ACSM6: variants seen among roughly 807,000 people sequenced by gnomAD.
ACSM6 encodes acyl-coenzyme A synthetase ACSM6, mitochondrial.
Under a neutral mutation model 51.1 loss-of-function variants are expected in ACSM6, and 35 were observed. The observed-to-expected ratio is 0.69, with a 90% CI of 0.52 to 0.91. The LOEUF is 0.91. ACSM6 is among the 40% of genes least tolerant of loss of function. The probability of loss-of-function intolerance (pLI) is 0.00; values close to 1 mark genes in which losing one functional copy is unlikely to be tolerated. For missense variants in ACSM6, 509 were observed against 584.1 expected, an observed-to-expected ratio of 0.87 and a Z score of 1.32; for synonymous variants, 172 against 207.3, an observed-to-expected ratio of 0.83 and a Z score of 1.46.
exon 10 of ACSM6, chr10:95,225,347 C>G: frequency 1.3e-6 from 2 of 1,551,612 alleles, no homozygotes; most frequent in Non-Finnish European, 1.7e-6. Context: ...TATTGCAATC[C>G]GCATAAAACT....
chr10:95,228,529 A>G (rs899512960), intron 10 of ACSM6, 115 bp from the exon 11 acceptor site: 132 of 1,057,436 alleles, frequency 1.2e-4, no homozygotes, highest in East Asian at 6.0e-5. Flanking sequence ...GAGAGTGGGG[A>G]TCCTGACTTA....
At chr10:95,221,177 T>C (rs1321114478) in intron 9 of ACSM6, among the ~76,000 whole-genome samples, 1 of 151,926 alleles carries the variant, frequency 6.6e-6, no homozygotes, top group Non-Finnish European at 1.5e-5. Flanking sequence ...ACCTTAGAAC[T>C]AAGAAAAACA....
chr10:95,207,489 A>G, intron 4 of ACSM6, 74 bp downstream of exon 4: 1 of 1,422,620 alleles, frequency 7.0e-7, no homozygotes, highest in Non-Finnish European at 9.9e-7. Context: ...TATATGAGAA[A>G]GTGGTGTGAG....
chr10:95,210,026 T>C (rs1032098), intron 4 of ACSM6, among the ~76,000 whole-genome samples: 6,428 of 152,290 alleles, frequency 0.042, 486 homozygotes, highest in African/African-American at 0.15. Flanking sequence ...CTGGGAATAT[T>C]TGAACAGTTT....
chr10:95,223,048 A>G (rs772505279), intron 9 of ACSM6, among the ~76,000 whole-genome samples: 39 of 152,000 alleles, frequency 2.6e-4, no homozygotes, highest in Non-Finnish European at 5.1e-4. Flanking sequence ...CAGGTGAGAA[A>G]GGAGAAGAGG....
At chr10:95,209,997 A>T (rs1410984522) in intron 4 of ACSM6, among the ~76,000 whole-genome samples, 1 of 152,192 alleles carries the variant, frequency 6.6e-6, no homozygotes, top group African/African-American at 2.4e-5. Flanking sequence ...GCCGGCCTGA[A>T]TCCCATTCCT....
In ACSM6 at chr10:95,194,679, T is replaced by C; in HGVS notation, c.192+2T>C. Reference sequence around the variant, plus strand: ...GATCAGTGGTCCCAGCTGGAAAAGGTAAAACTTGTTGTTTTCTACCTTGGA... The same window carrying C: ...GATCAGTGGTCCCAGCTGGAAAAGGCAAAACTTGTTGTTTTCTACCTTGGA... On this transcript the variant is annotated splice_donor_variant, in intron 2 of 10. Coordinates refer to ENST00000341686, the Ensembl canonical transcript of ACSM6. LOFTEE classifies it high-confidence loss of function. 3 of 1,550,850 alleles carry C rather than the reference T, an allele frequency of 1.9e-6. No individual in the cohort carries two copies. The highest frequency in any genetic ancestry group is 2.6e-6 in the Non-Finnish European group (3 of 1,146,276).
intron 4 of ACSM6, among the ~76,000 whole-genome samples, chr10:95,210,058 T>C (rs756073010): frequency 5.3e-5 from 8 of 152,242 alleles, no homozygotes; most frequent in Non-Finnish European, 8.8e-5. Context: ...TGTCCTGTCT[T>C]TGTTTTAAAT....
At chr10:95,213,328 C>T (rs938371092) in intron 7 of ACSM6, among the ~76,000 whole-genome samples, 8 of 152,014 alleles carry the variant, frequency 5.3e-5, no homozygotes, top group Admixed American at 4.6e-4. Context: ...TCAGAGCAAA[C>T]GGGAAATGAG....
intron 7 of ACSM6, 28 bp downstream of exon 7, chr10:95,212,968 C>A (rs1275137102): frequency 6.5e-7 from 1 of 1,540,416 alleles, no homozygotes; most frequent in Non-Finnish European, 9.0e-7. Context: ...AGGAGAGAGT[C>A]CATTTCCACT....
intron 3 of ACSM6, among the ~76,000 whole-genome samples, chr10:95,205,577 T>C (rs946739542): frequency 6.6e-6 from 1 of 152,128 alleles, no homozygotes; most frequent in Non-Finnish European, 1.5e-5. Flanking sequence ...CATACAAATC[T>C]GGGTTGGAGG....
intron 8 of ACSM6, among the ~76,000 whole-genome samples, chr10:95,218,928 T>C (rs1364799629): frequency 6.6e-6 from 1 of 152,226 alleles, no homozygotes; most frequent in Non-Finnish European, 1.5e-5. Flanking sequence ...TTAAGTCTCT[T>C]TCCGTGTAAG....
intron 1 of ACSM6, 67 bp from the exon 2 acceptor site, chr10:95,194,398 C>A: frequency 8.0e-7 from 1 of 1,254,948 alleles, no homozygotes; most frequent in Non-Finnish European, 1.1e-6. Flanking sequence ...ATTCTCAGCA[C>A]TACAATCTCA....
intron 2 of ACSM6, among the ~76,000 whole-genome samples, chr10:95,200,182 T>A (rs1589490468): frequency 1.3e-5 from 2 of 151,792 alleles, no homozygotes; most frequent in South Asian, 4.2e-4. Context: ...AAATGATGAG[T>A]TCATGTCCTT....
At chr10:95,195,357 C>A (rs920490592) in intron 2 of ACSM6, among the ~76,000 whole-genome samples, 1 of 152,114 alleles carries the variant, frequency 6.6e-6, no homozygotes, top group African/African-American at 2.4e-5. Flanking sequence ...ACTGTCTAGG[C>A]AGGAACAACC....
chr10:95,213,044 T>A, intron 7 of ACSM6, 104 bp downstream of exon 7: 1 of 908,540 alleles, frequency 1.1e-6, no homozygotes, highest in Non-Finnish European at 1.8e-6. Context: ...TACCCTCCGG[T>A]AACACACTTG....
chr10:95,217,555 T>C (rs2034959628), intron 8 of ACSM6, among the ~76,000 whole-genome samples: 1 of 152,120 alleles, frequency 6.6e-6, no homozygotes, highest in Non-Finnish European at 1.5e-5. Context: ...TTCTTACATT[T>C]GTTTTATATA....
chr10:95,198,911 AAAATGGCCATACTGCCC>A (rs2034762978), intron 2 of ACSM6, among the ~76,000 whole-genome samples: 1 of 152,220 alleles, frequency 6.6e-6, no homozygotes, highest in African/African-American at 2.4e-5. Flanking sequence ...CAATATCATG[AAAATGGCCATACTGCCC>A]AAGGTAATTT....
chr10:95,200,808 G>A (rs2034787499), intron 2 of ACSM6, among the ~76,000 whole-genome samples: 1 of 151,240 alleles, frequency 6.6e-6, no homozygotes, highest in African/African-American at 2.4e-5. Context: ...GGCGAGAGAT[G>A]GGGGAAAGAG....
Sources: gnomAD v4.1 joint callset for allele counts (sites outside exome capture counted in the v4.1 genomes callset) on GRCh38, gnomAD v4.1.1 for gene constraint, MANE v1.5 for transcripts, NCBI Gene and HGNC (gene_info 2026-07-23, HGNC 2026-07-21) for gene names.